APOL4: variants seen among roughly 807,000 people sequenced by gnomAD.
The protein encoded by APOL4 is apolipoprotein L, 4.
APOL4 carries 14 observed loss-of-function variants against 12.1 expected under a neutral mutation model. The ratio of observed to expected loss-of-function variants is 1.16; its 90% CI spans 0.76 to 1.81. The LOEUF (loss-of-function observed/expected upper bound fraction) is 1.81, where lower values mean the gene tolerates loss of function less well. APOL4 is among the 40% of genes most tolerant of loss of function. APOL4 has a pLI of 0.00. For missense variants in APOL4, 432 were observed against 423.1 expected, an observed-to-expected ratio of 1.02 and a Z score of -0.18; for synonymous variants, 171 against 160.6, an observed-to-expected ratio of 1.06 and a Z score of -0.49.
chr22:36,200,356 A>C (rs2014535120), intron 1 of APOL4, among the ~76,000 whole-genome samples: 2 of 152,272 alleles, frequency 1.3e-5, no homozygotes, highest in South Asian at 2.1e-4. Context: ...TTGCAAATCC[A>C]TGTCTCACAC....
chr22:36,203,511 C>G (rs1386672969), upstream of APOL4, among the ~76,000 whole-genome samples: 2 of 152,126 alleles, frequency 1.3e-5, no homozygotes, highest in African/African-American at 4.8e-5. Context: ...TCTAACAGAG[C>G]CTTAAAACAG....
chr22:36,195,772 T>TCA (rs1484877369), intron 2 of APOL4, among the ~76,000 whole-genome samples: 39 of 140,212 alleles, frequency 2.8e-4, no homozygotes, highest in African/African-American at 7.2e-4. Flanking sequence ...TCTCTCTCTC[T>TCA]CTCTCACACA....
chr22:36,193,994 G>A (rs1444695060), intron 3 of APOL4, among the ~76,000 whole-genome samples: 1 of 152,148 alleles, frequency 6.6e-6, no homozygotes, highest in Non-Finnish European at 1.5e-5. Context: ...ACAATTTCAT[G>A]GAAGCTCTTG....
Position 36,191,463 on chromosome 22 carries a change from C to T in APOL4, c.659G>A (p.Arg220His), listed in dbSNP as rs2227168. The T allele has an allele frequency of 0.52, 836,270 of 1,613,788 alleles. 221,462 individuals are homozygous for T. The highest frequency in any genetic ancestry group is 0.83 in the East Asian group (37,458 of 44,874). The change falls in exon 4 of 4, where the codon CGT becomes CAT. Residue 220 changes from arginine to histidine, a missense_variant. By Grantham distance (29) the Arg-to-His change is conservative (BLOSUM62 0). Coordinates refer to ENST00000683024, the MANE Select transcript of APOL4 (RefSeq NM_001386885.1). ...AGAAAGCACATTGGGTGTGATGTCA[C>T]GCAGAATGTCCCTTAATGCCTCCAA... Reference protein sequence around the residue: ...DQLEALRDILRDITPNVLSFA... With the variant: ...DQLEALRDILHDITPNVLSFA...
Position 36,197,136 on chromosome 22 carries a change from GC to G in APOL4, c.83-1700del, listed in dbSNP as rs201025621. Among the ~76,000 whole-genome samples the G allele has an allele frequency of 8.6e-3, 1,312 of 152,306 alleles. 20 individuals are homozygous for G. The highest frequency in any genetic ancestry group is 0.03 in the African/African-American group (1,256 of 41,562). ...CAGATCATCTTGTTTCAGAGGGAGA[GC>G]TTCTTCCTTGGCCGCCCAGCCCAGC... On this transcript the variant is annotated intron_variant, in intron 2 of 3. Transcript: ENST00000683024.
Position 36,191,280 on chromosome 22 carries a change from A to C in APOL4, c.842T>G (p.Ile281Arg), listed in dbSNP as rs749763558. 6.2e-7 allele frequency: 1 copy of C among 1,613,980 alleles called. No individual in the cohort carries two copies. Among genetic ancestry groups the C allele is most frequent in the Non-Finnish European group, 8.5e-7 (1 of 1,179,884 alleles). ...TLRTRGAPTR[I>R]VRKVARNLGK... ...CAGGTTCCGGGCTACTTTTCTCACT[A>C]TCCGGGTGGGGGCCCCACGTGTTCT... is the stretch of plus-strand genomic sequence containing the variant. The change falls in exon 4 of 4, where the codon ATA becomes AGA. Residue 281 changes from isoleucine (I) to arginine (R), a missense_variant. Transcript: ENST00000683024.
At chr22:36,203,998 G>A (rs1045750723), upstream of APOL4, among the ~76,000 whole-genome samples, 11 of 152,166 alleles carry the variant, frequency 7.2e-5, no homozygotes, top group African/African-American at 2.7e-4. Context: ...GGACAGAGGT[G>A]AGGGCCACAG....
chr22:36,199,368 TG>T lies in APOL4; in HGVS notation c.43del (p.Gln15LysfsTer35). 1 of 1,614,116 alleles carries T rather than the reference TG, an allele frequency of 6.2e-7. No individual in the cohort carries two copies. The highest frequency in any genetic ancestry group is 8.5e-7 in the Non-Finnish European group (1 of 1,179,910). ...AGCCACTGTCCAGCCTGGATGGTTT[TG>T]CTGCACCCTTGAGGAAGAGAAAACA... ...VQLITSVGVQ[Q>X]NHPGWTVAGQ... is the part of the protein sequence containing the mutation. On this transcript the variant is annotated frameshift_variant, in exon 2 of 4. Coordinates refer to ENST00000683024, the MANE Select transcript of APOL4 (RefSeq NM_001386885.1). LOFTEE classifies it high-confidence loss of function.
intron 2 of APOL4, chr22:36,197,590 T>G: frequency 6.8e-7 from 1 of 1,476,968 alleles, no homozygotes. Flanking sequence ...TAACCCCCCA[T>G]GAAACTGCAA....
chr22:36,202,127 T>A, upstream of APOL4: 1 of 1,604,500 alleles, frequency 6.2e-7, no homozygotes, highest in Non-Finnish European at 8.5e-7. Context: ...TCATTTTTAA[T>A]AAACCGTTTT....
chr22:36,195,603 A>G (rs193121729), intron 2 of APOL4, among the ~76,000 whole-genome samples, 166 bp from the exon 3 acceptor site: 2 of 152,236 alleles, frequency 1.3e-5, no homozygotes, highest in African/African-American at 2.4e-5. Flanking sequence ...CCCAAATTCA[A>G]ATACTGAGGC....
intron 1 of APOL4, chr22:36,199,584 C>A: frequency 6.4e-7 from 1 of 1,559,762 alleles, no homozygotes; most frequent in South Asian, 1.2e-5. Flanking sequence ...CCCTCACTCT[C>A]ACACCAAGGA....
At chr22:36,199,254 C>A in intron 2 of APOL4, 76 bp downstream of exon 2, 2 of 1,582,532 alleles carry the variant, frequency 1.3e-6, no homozygotes, top group Non-Finnish European at 1.7e-6. Context: ...CACCACCCTC[C>A]ATTCTAGCTG....
chr22:36,195,211 G>A (rs1226693438), intron 3 of APOL4, 100 bp downstream of exon 3: 1 of 1,450,096 alleles, frequency 6.9e-7, no homozygotes, highest in African/African-American at 1.4e-5. Context: ...CCAGCAGAGG[G>A]GGCTGCCTGG....
At chr22:36,195,268 G>T in intron 3 of APOL4, 43 bp downstream of exon 3, 1 of 1,594,866 alleles carries the variant, frequency 6.3e-7, no homozygotes. Flanking sequence ...GATCTGGGTG[G>T]CATCACCGGG....
At chr22:36,200,097 G>A (rs907366687) in intron 1 of APOL4, among the ~76,000 whole-genome samples, 1 of 150,450 alleles carries the variant, frequency 6.6e-6, no homozygotes, top group Non-Finnish European at 1.5e-5. Flanking sequence ...GTGAGCGGTC[G>A]CGCCGGGCCT....
chr22:36,199,641 A>T, intron 1 of APOL4: 1 of 1,551,606 alleles, frequency 6.4e-7, no homozygotes, highest in Non-Finnish European at 8.7e-7. Flanking sequence ...TAATCAGAGG[A>T]GGGGCAGCCA....
rs1287547940 is a variant in APOL4, at chr22:36,191,601, C to CCTA, written c.518_520dup (p.Val173dup). 1 of 1,613,590 alleles carries CCTA rather than the reference C, an allele frequency of 6.2e-7. No individual in the cohort carries two copies. Among genetic ancestry groups the CCTA allele is most frequent in the South Asian group, 1.1e-5 (1 of 91,022 alleles). Reference sequence around the variant, plus strand: ...AGCCGTGGCAGATGCTATTCCCAGCCCTACCCCAGCTGCAGTAATGCTCAG... The same window carrying CCTA: ...AGCCGTGGCAGATGCTATTCCCAGCCCTACTACCCCAGCTGCAGTAATGCTCAG... On this transcript the variant is annotated inframe_insertion, in exon 4 of 4. Transcript: ENST00000683024.
rs2014248908 is a variant in APOL4 at position 36,191,539 on chromosome 22, T to C, written c.583A>G (p.Arg195Gly). The C allele has an allele frequency of 1.2e-6, 2 of 1,613,934 alleles. No individual in the cohort carries two copies. Among genetic ancestry groups the C allele is most frequent in the Non-Finnish European group, 1.7e-6 (2 of 1,179,906 alleles). ...ASSIVENTYT[R>G]SAELTASRLT... ...CTGCTGGCTGTGAGTTCTGCTGACCTTGTGTATGTGTTCTCCACGATGCTG... is the reference window on the plus strand; with the variant it reads ...CTGCTGGCTGTGAGTTCTGCTGACCCTGTGTATGTGTTCTCCACGATGCTG... The change falls in exon 4 of 4, where the codon AGG becomes GGG. Residue 195 changes from arginine to glycine, a missense_variant. Physicochemically the swap from Arg to Gly is moderately radical, Grantham distance 125. Coordinates refer to ENST00000683024, the MANE Select transcript of APOL4 (RefSeq NM_001386885.1).
Sources: allele counts gnomAD v4.1 joint callset (sites outside exome capture counted in the v4.1 genomes callset), GRCh38; gene constraint gnomAD v4.1.1; transcripts MANE v1.5; gene names NCBI Gene and HGNC (gene_info 2026-07-23, HGNC 2026-07-21).